Variants in NEK11 observed in about 807,000 individuals in gnomAD.
NEK11 encodes serine/threonine-protein kinase Nek11.
Under a neutral mutation model 80.7 loss-of-function variants are expected in NEK11, and 72 were observed. The ratio of observed to expected loss-of-function variants is 0.89; its 90% CI spans 0.74 to 1.08. The LOEUF (loss-of-function observed/expected upper bound fraction) is 1.08. Among genes scored for constraint, NEK11 ranks in the 50% least tolerant of loss-of-function variants. The probability of loss-of-function intolerance (pLI) is 0.00; values close to 1 mark genes in which losing one functional copy is unlikely to be tolerated. For missense variants in NEK11, 764 were observed against 763.6 expected (o/e 1.00, Z -0.01); for synonymous variants, 251 against 260.7 (o/e 0.96, Z 0.36).
In NEK11 at chr3:131,133,823, T is replaced by C. The variant is rs761904889; in HGVS notation, c.521-7T>C. The C allele has an allele frequency of 6.2e-7, 1 of 1,603,660 alleles. No homozygotes were observed. ...AAGTATTCATAAAAATTAATTATTA[T>C]TTCAAGGAGATTTTGGAGTTTCTCG... is the stretch of plus-strand genomic sequence containing the variant. On this transcript the variant is annotated splice_polypyrimidine_tract_variant and splice_region_variant and intron_variant, in intron 6 of 17. Transcript: ENST00000383366.
At chr3:131,219,196 T>C (rs955731786) in intron 14 of NEK11, among the ~76,000 whole-genome samples, 4 of 152,148 alleles carry the variant, frequency 2.6e-5, no homozygotes, top group Non-Finnish European at 2.9e-5. Flanking sequence ...ATATATAACA[T>C]GGAATACTAT....
intron 14 of NEK11, among the ~76,000 whole-genome samples, chr3:131,186,994 G>T (rs1045860116): frequency 4.6e-5 from 7 of 152,116 alleles, no homozygotes; most frequent in African/African-American, 1.7e-4. Flanking sequence ...TTCTCCTTTA[G>T]TTGGAATATG....
intron 4 of NEK11, among the ~76,000 whole-genome samples, chr3:131,081,796 C>T (rs1256546662): frequency 6.6e-6 from 1 of 152,072 alleles, no homozygotes; most frequent in African/African-American, 2.4e-5. Flanking sequence ...CTTTGGACAA[C>T]TCGACCTAAC....
chr3:131,315,099 C>T (rs917441289), intron 17 of NEK11, among the ~76,000 whole-genome samples: 4 of 152,122 alleles, frequency 2.6e-5, no homozygotes, highest in Admixed American at 2.6e-4. Context: ...ACATATCCAT[C>T]ATCTCATATA....
intron 17 of NEK11, among the ~76,000 whole-genome samples, chr3:131,341,309 AT>A (rs1402111714): frequency 6.6e-6 from 1 of 152,224 alleles, no homozygotes; most frequent in Non-Finnish European, 1.5e-5. Context: ...AGAATGTATT[AT>A]TTTAAAATTT....
rs555261085 is a variant in NEK11 at position 131,064,711 on chromosome 3, G to T, written c.171-15712G>T. 1.2e-4 allele frequency among the ~76,000 whole-genome samples: 19 copies of T among 152,080 alleles called. 1 individual carries two copies. In the South Asian group the frequency reaches 4.0e-3, roughly 32 times the overall value. On this transcript the variant is annotated intron_variant, in intron 3 of 17. Transcript: ENST00000383366. ...TACACTTGAAAAGAGTGAATTTAAT[G>T]GTACATGAATTATGTCTCAATAAAA...
chr3:131,092,190 T>C (rs1260788401), intron 4 of NEK11, among the ~76,000 whole-genome samples: 1 of 152,250 alleles, frequency 6.6e-6, no homozygotes, highest in Admixed American at 6.5e-5. Flanking sequence ...TTGGTCTTGG[T>C]ATGAAATACA....
chr3:131,312,277 T>C (rs2096789846), intron 17 of NEK11, among the ~76,000 whole-genome samples: 1 of 152,178 alleles, frequency 6.6e-6, no homozygotes, highest in African/African-American at 2.4e-5. Context: ...ATCTATAAAA[T>C]GTGGATAACA....
At chr3:131,214,800 C>T (rs2094764128) in intron 14 of NEK11, among the ~76,000 whole-genome samples, 1 of 151,850 alleles carries the variant, frequency 6.6e-6, no homozygotes, top group African/African-American at 2.4e-5. Flanking sequence ...ACAGCAGAAC[C>T]TGCTGTCCTA....
chr3:131,349,926 T>C lies in NEK11; in HGVS notation c.*150T>C, dbSNP rs1177286137. On this transcript the variant is annotated 3_prime_UTR_variant, in exon 18 of 18. Coordinates refer to ENST00000383366, the MANE Select transcript of NEK11 (RefSeq NM_024800.5). ...TCCTCATCAGAAGTACTGGCTTCTT[T>C]AGAGAGTAGTAAGCATGGCTGCCTA... is the stretch of plus-strand genomic sequence containing the variant. 3 of 631,542 alleles carry C rather than the reference T, an allele frequency of 4.8e-6. No individual in the cohort carries two copies. Among genetic ancestry groups the C allele is most frequent in the African/African-American group, 3.7e-5 (2 of 54,418 alleles). 39.1% of individuals were successfully genotyped at this position (631,542 alleles called of 1,614,324 possible). A position where few individuals can be genotyped will look rare whatever the true frequency, so the allele number is the denominator to read the frequency against.
At position 131,168,909 on chromosome 3, in the gene NEK11, A is replaced by T. The variant is rs1264693298; in HGVS notation, c.1256A>T (p.Asp419Val). The T allele has an allele frequency of 1.2e-6, 2 of 1,614,022 alleles. No individual in the cohort carries two copies. The highest frequency in any genetic ancestry group is 1.7e-6 in the Non-Finnish European group (2 of 1,179,950). The change falls in exon 13 of 18, where the codon GAT becomes GTT. Residue 419 changes from aspartate (D) to valine (V), a missense_variant. Asp to Val is a radical substitution (Grantham distance 152, BLOSUM62 -3). Transcript: ENST00000383366. Reference protein sequence around the residue: ...GRLSCSPQDEDEERWQGREEE... With the variant: ...GRLSCSPQDEVEERWQGREEE... ...CTTTCTTGTTCACCCCAGGACGAGG[A>T]TGAAGAGAGGTGGCAAGGCAGGGAA...
intron 15 of NEK11, among the ~76,000 whole-genome samples, chr3:131,242,389 G>A (rs2095533195): frequency 1.3e-5 from 2 of 152,090 alleles, no homozygotes; most frequent in East Asian, 1.9e-4. Context: ...CTGAAGGCTG[G>A]TGACACTGTA....
At chr3:131,287,604 T>C (rs771452376) in intron 17 of NEK11, among the ~76,000 whole-genome samples, 2 of 152,126 alleles carry the variant, frequency 1.3e-5, no homozygotes, top group Non-Finnish European at 2.9e-5. Flanking sequence ...TACTTGTATC[T>C]AAGATTTTTA....
At chr3:131,334,053 G>T (rs200621838) in intron 17 of NEK11, among the ~76,000 whole-genome samples, 15,124 of 152,054 alleles carry the variant, frequency 0.099, 1,197 homozygotes, top group African/African-American at 0.22. Context: ...ACATTAGACA[G>T]ATCAATGAGA....
At chr3:131,220,544 G>A (rs1046840167) in intron 14 of NEK11, among the ~76,000 whole-genome samples, 1 of 152,172 alleles carries the variant, frequency 6.6e-6, no homozygotes, top group Admixed American at 6.5e-5. Flanking sequence ...AAATCAGTTT[G>A]TTCTTATTAG....
At chr3:131,125,614 A>G (rs181764035) in intron 5 of NEK11, among the ~76,000 whole-genome samples, 3 of 152,304 alleles carry the variant, frequency 2.0e-5, no homozygotes, top group African/African-American at 7.2e-5. Context: ...ACCTGAGTGT[A>G]AGCATTATGA....
At chr3:131,121,354 T>C (rs1219075811) in intron 5 of NEK11, among the ~76,000 whole-genome samples, 3 of 152,188 alleles carry the variant, frequency 2.0e-5, no homozygotes, top group African/African-American at 7.2e-5. Flanking sequence ...GGAAGCTTGG[T>C]CTCAGAGGGG....
At chr3:131,338,265 GGTTTT>G (rs1417027318) in intron 17 of NEK11, among the ~76,000 whole-genome samples, 5 of 91,606 alleles carry the variant, frequency 5.5e-5, no homozygotes, top group Non-Finnish European at 9.7e-5. Flanking sequence ...GCGCCCAGCT[GGTTTT>G]TTTTTTTTTT....
At chr3:131,301,387 C>T (rs1020212282) in intron 17 of NEK11, among the ~76,000 whole-genome samples, 3 of 151,880 alleles carry the variant, frequency 2.0e-5, no homozygotes, top group African/African-American at 7.2e-5. Flanking sequence ...CTTGATTGCC[C>T]TGCCTAGGAC....
Sources: gnomAD v4.1 joint callset for allele counts (sites outside exome capture counted in the v4.1 genomes callset) on GRCh38, gnomAD v4.1.1 for gene constraint, MANE v1.5 for transcripts, NCBI Gene and HGNC (gene_info 2026-07-23, HGNC 2026-07-21) for gene names.